Variants in ASB5 observed in about 807,000 individuals in gnomAD.
ASB5 encodes the protein ankyrin repeat and SOCS box protein 5.
Under a neutral mutation model 42.1 loss-of-function variants are expected in ASB5, and 45 were observed. The ratio of observed to expected loss-of-function variants is 1.07; its 90% CI spans 0.84 to 1.37. The LOEUF (loss-of-function observed/expected upper bound fraction) is 1.37. Among genes scored for constraint, ASB5 ranks in the 40% most tolerant of loss-of-function variants. The pLI, the probability that ASB5 is intolerant of heterozygous loss-of-function variation, is 0.00. For missense variants in ASB5, 402 were observed against 399.8 expected (o/e 1.01, Z -0.05); for synonymous variants, 147 against 150.6 (o/e 0.98, Z 0.18).
At chr4:176,222,630 T>G (rs1162950480) in intron 2 of ASB5, among the ~76,000 whole-genome samples, 2 of 152,232 alleles carry the variant, frequency 1.3e-5, no homozygotes, top group Admixed American at 6.5e-5. Context: ...CCCTCATGTC[T>G]GGACCCAATA....
chr4:176,265,190 CTTA>C (rs1301296843), intron 1 of ASB5, among the ~76,000 whole-genome samples: 2 of 152,082 alleles, frequency 1.3e-5, no homozygotes, highest in Non-Finnish European at 2.9e-5. Context: ...CTGGGCCCAA[CTTA>C]TTGTTACTTT....
chr4:176,236,085 G>A (rs527917090), intron 1 of ASB5, among the ~76,000 whole-genome samples: 2 of 152,066 alleles, frequency 1.3e-5, no homozygotes, highest in African/African-American at 2.4e-5. Flanking sequence ...GACATAAAAC[G>A]ATAGCTTATT....
intron 1 of ASB5, among the ~76,000 whole-genome samples, chr4:176,247,614 A>C (rs1050222865): frequency 1.3e-5 from 2 of 152,214 alleles, no homozygotes; most frequent in Non-Finnish European, 2.9e-5. Flanking sequence ...TGTGAATATA[A>C]TTGACCATGC....
rs149335410 is a variant in ASB5, at chr4:176,255,733, G to A, written c.196+13180C>T. On this transcript the variant is annotated intron_variant, in intron 1 of 6. Transcript: ENST00000296525. ...GAGAGGGAGGCAGAGATGTGGGTAC[G>A]GGTTGAAAAACTAACTACTGGGTAT... Among the ~76,000 whole-genome samples the A allele has an allele frequency of 2.7e-3, 413 of 152,278 alleles. 2 individuals are homozygous for A. Among genetic ancestry groups the A allele is most frequent in the Middle Eastern group, 6.8e-3 (2 of 294 alleles).
intron 1 of ASB5, among the ~76,000 whole-genome samples, chr4:176,267,779 T>C (rs1655588825): frequency 6.6e-6 from 1 of 152,168 alleles, no homozygotes; most frequent in African/African-American, 2.4e-5. Flanking sequence ...ATTCCTCATG[T>C]TGCAAATTGC....
chr4:176,216,248 T>C (rs1752965704), intron 6 of ASB5, among the ~76,000 whole-genome samples: 1 of 152,202 alleles, frequency 6.6e-6, no homozygotes, highest in African/African-American at 2.4e-5. Flanking sequence ...AATCAGCAGA[T>C]ATTATACCAG....
intron 1 of ASB5, among the ~76,000 whole-genome samples, chr4:176,261,373 T>C (rs1220162911): frequency 6.6e-6 from 1 of 152,244 alleles, no homozygotes; most frequent in Non-Finnish European, 1.5e-5. Context: ...CTTTTTCATA[T>C]GCTGAATCCT....
chr4:176,229,591 T>C (rs187693825), intron 1 of ASB5, among the ~76,000 whole-genome samples: 1 of 152,118 alleles, frequency 6.6e-6, no homozygotes, highest in African/African-American at 2.4e-5. Flanking sequence ...CATCCCCCTG[T>C]TTCCCCCCAG....
chr4:176,221,726 G>A, intron 3 of ASB5, 126 bp from the exon 4 acceptor site: 3 of 885,176 alleles, frequency 3.4e-6, no homozygotes, highest in South Asian at 5.2e-5. Flanking sequence ...CATTAAATAT[G>A]ACAAAGTATA....
intron 1 of ASB5, among the ~76,000 whole-genome samples, chr4:176,228,435 G>A (rs1452950794): frequency 3.3e-5 from 5 of 152,218 alleles, no homozygotes; most frequent in Admixed American, 1.3e-4. Context: ...ACAGAATAAC[G>A]ATAATTGAGG....
intron 5 of ASB5, among the ~76,000 whole-genome samples, chr4:176,220,520 T>C (rs2126943396): frequency 6.6e-6 from 1 of 152,164 alleles, no homozygotes; most frequent in East Asian, 1.9e-4. Context: ...AAAGGTATGA[T>C]CCAAATCGTA....
intron 1 of ASB5, among the ~76,000 whole-genome samples, chr4:176,252,084 G>GAAAAAAAAAAAAAAAAAAAAAA (rs57692791): frequency 9.3e-6 from 1 of 107,784 alleles, no homozygotes; most frequent in African/African-American, 3.5e-5. Flanking sequence ...AAAAAAAAAA[G>GAAAAAAAAAAAAAAAAAAAAAA]AAAAAAAAAA....
chr4:176,235,840 A>G (rs1032294468), intron 1 of ASB5, among the ~76,000 whole-genome samples: 15 of 148,250 alleles, frequency 1.0e-4, no homozygotes, highest in African/African-American at 3.5e-4. Flanking sequence ...TTTTTTTATT[A>G]TATATTTTTT....
At position 176,216,956 on chromosome 4, in the gene ASB5, GAGCAGC is replaced by G. The variant is rs1267205484; in HGVS notation, c.718_723del (p.Ala240_Ala241del). ...TTTACAATTTCTGTGCTGGATTGTT[GAGCAGC>G]AGCATGTAATGGAGTATCCCAATAT... On this transcript the variant is annotated inframe_deletion, in exon 6 of 7. Coordinates refer to ENST00000296525, the MANE Select transcript of ASB5 (RefSeq NM_080874.4). The G allele has an allele frequency of 6.2e-7, 1 of 1,613,728 alleles. No homozygotes were observed. Among genetic ancestry groups the G allele is most frequent in the Admixed American group, 1.7e-5 (1 of 59,942 alleles).
chr4:176,264,983 G>A (rs902683526), intron 1 of ASB5, among the ~76,000 whole-genome samples: 76 of 151,944 alleles, frequency 5.0e-4, no homozygotes, highest in Non-Finnish European at 2.6e-4. Context: ...TGGCAAGGTC[G>A]TAACTGGTCA....
At chr4:176,238,463 C>T (rs532706790) in intron 1 of ASB5, among the ~76,000 whole-genome samples, 1 of 152,192 alleles carries the variant, frequency 6.6e-6, no homozygotes, top group African/African-American at 2.4e-5. Flanking sequence ...AGAGGAAAAA[C>T]CAAACATGTG....
At chr4:176,276,064 G>C (rs761340109) in intron 1 of ASB5, among the ~76,000 whole-genome samples, 18 of 152,162 alleles carry the variant, frequency 1.2e-4, no homozygotes, top group Non-Finnish European at 2.6e-4. Flanking sequence ...TTCAAGTATT[G>C]CCTCTACCAT....
chr4:176,226,869 C>T (rs1279178812), intron 1 of ASB5, among the ~76,000 whole-genome samples: 1 of 152,214 alleles, frequency 6.6e-6, no homozygotes, highest in Non-Finnish European at 1.5e-5. Flanking sequence ...GGGCAAGTAG[C>T]TGAGCCCCGC....
chr4:176,252,067 A>G (rs1253887206), intron 1 of ASB5, among the ~76,000 whole-genome samples: 1 of 63,972 alleles, frequency 1.6e-5, no homozygotes, highest in Non-Finnish European at 3.0e-5. Flanking sequence ...CCTTGTCTCA[A>G]AAAAAAAAAA....
Sources: gnomAD v4.1 joint callset for allele counts (sites outside exome capture counted in the v4.1 genomes callset) on GRCh38, gnomAD v4.1.1 for gene constraint, MANE v1.5 for transcripts, NCBI Gene and HGNC (gene_info 2026-07-23, HGNC 2026-07-21) for gene names.